NAMPT: variants seen among roughly 807,000 people sequenced by gnomAD.
NAMPT encodes nicotinamide phosphoribosyltransferase, also known as NAmPRTase.
In NAMPT, 7 loss-of-function variants were observed where a neutral mutation model predicts 58.7. The observed-to-expected ratio is 0.12, with a 90% confidence interval of 0.07 to 0.22. The LOEUF (loss-of-function observed/expected upper bound fraction) is 0.22, where lower values mean the gene tolerates loss of function less well. Among genes scored for constraint, NAMPT ranks in the 10% least tolerant of loss-of-function variants. The pLI, the probability that NAMPT is intolerant of heterozygous loss-of-function variation, is 1.00. For missense variants in NAMPT, 271 were observed against 567.9 expected, an observed-to-expected ratio of 0.48 and a Z score of 5.31; for synonymous variants, 145 against 198.1, an observed-to-expected ratio of 0.73 and a Z score of 2.25.
chr7:106,263,796 T>C (rs1792359389), intron 6 of NAMPT, among the ~76,000 whole-genome samples, 179 bp from the exon 7 acceptor site: 1 of 152,054 alleles, frequency 6.6e-6, no homozygotes, highest in African/African-American at 2.4e-5. Flanking sequence ...CAACCATACC[T>C]TACCCAATTA....
At chr7:106,260,829 A>G (rs573408648) in intron 8 of NAMPT, among the ~76,000 whole-genome samples, 1 of 152,334 alleles carries the variant, frequency 6.6e-6, no homozygotes, top group African/African-American at 2.4e-5. Context: ...CACAACACAC[A>G]CAGTATTTAT....
At chr7:106,251,433 TACA>T (rs1792102159) in intron 10 of NAMPT, among the ~76,000 whole-genome samples, 1 of 152,104 alleles carries the variant, frequency 6.6e-6, no homozygotes, top group Non-Finnish European at 1.5e-5. Context: ...ACCTTAATAC[TACA>T]TTCTTAAACC....
chr7:106,285,676 G>T (rs1792867565), upstream of NAMPT: 4 of 771,868 alleles, frequency 5.2e-6, no homozygotes, highest in Non-Finnish European at 6.3e-6. Flanking sequence ...TTCATCTGAT[G>T]CAGCGACTCC....
At position 106,284,860 on chromosome 7, in the gene NAMPT, A is replaced by G; in HGVS notation, c.25T>C (p.Phe9Leu). The change falls in exon 1 of 11, where the codon TTC becomes CTC. Residue 9 changes from phenylalanine to leucine, a missense_variant. Physicochemically the swap from Phe to Leu is conservative, Grantham distance 22. Coordinates refer to ENST00000222553, the MANE Select transcript of NAMPT (RefSeq NM_005746.3). Reference sequence around the variant, plus strand: ...GAGTCGGTGGCCAGGAGGATGTTGAACTCGGCTTCTGCCGCAGGATTCATC... The same window carrying G: ...GAGTCGGTGGCCAGGAGGATGTTGAGCTCGGCTTCTGCCGCAGGATTCATC... MNPAAEAE[F>L]NILLATDSYK... The G allele has an allele frequency of 6.3e-7, 1 of 1,579,046 alleles. No homozygotes were observed. The highest frequency in any genetic ancestry group is 8.6e-7 in the Non-Finnish European group (1 of 1,162,056).
chr7:106,260,809 G>C (rs917503801), intron 8 of NAMPT, among the ~76,000 whole-genome samples: 1 of 152,198 alleles, frequency 6.6e-6, no homozygotes, highest in African/African-American at 2.4e-5. Flanking sequence ...TGGGTAACTG[G>C]TGAAGGAGTC....
chr7:106,261,209 C>T (rs891878018), intron 8 of NAMPT, among the ~76,000 whole-genome samples: 7 of 152,194 alleles, frequency 4.6e-5, no homozygotes, highest in Non-Finnish European at 1.0e-4. Flanking sequence ...TCTGAAAAAG[C>T]ACCCATTAAT....
intron 1 of NAMPT, among the ~76,000 whole-genome samples, chr7:106,279,936 G>C (rs1792728554): frequency 6.6e-6 from 1 of 152,114 alleles, no homozygotes; most frequent in Admixed American, 6.6e-5. Flanking sequence ...CAATGTGGTA[G>C]GTACTTAAAA....
At chr7:106,283,419 C>CCCTT (rs1451556909) in intron 1 of NAMPT, among the ~76,000 whole-genome samples, 2 of 152,060 alleles carry the variant, frequency 1.3e-5, no homozygotes, top group African/African-American at 2.4e-5. Context: ...TATTCAACCT[C>CCCTT]CCTTTACATT....
chr7:106,253,543 A>G (rs901831967), intron 9 of NAMPT: 1 of 170,362 alleles, frequency 5.9e-6, no homozygotes, highest in African/African-American at 2.4e-5. Flanking sequence ...CTACGCCAAA[A>G]CCACACACAC....
At chr7:106,272,362 A>G (rs1792552566) in intron 4 of NAMPT, 168 bp downstream of exon 4, 1 of 544,942 alleles carries the variant, frequency 1.8e-6, no homozygotes, top group Non-Finnish European at 3.1e-6. Flanking sequence ...AAGAAACCTT[A>G]AAGATTATTT....
intron 1 of NAMPT, among the ~76,000 whole-genome samples, chr7:106,281,716 G>A (rs1792769479): frequency 1.3e-5 from 2 of 152,132 alleles, no homozygotes; most frequent in East Asian, 3.8e-4. Flanking sequence ...CTGCTATTTG[G>A]CTTTGAAGCA....
At chr7:106,274,033 G>A (rs1315112961) in intron 3 of NAMPT, among the ~76,000 whole-genome samples, 1 of 151,036 alleles carries the variant, frequency 6.6e-6, no homozygotes, top group African/African-American at 2.4e-5. Context: ...AAACCACCAC[G>A]GGATATTTAA....
At chr7:106,267,866 A>AAAAAAAAAAAAAAAAAAAC (rs767872084) in intron 6 of NAMPT, among the ~76,000 whole-genome samples, 10 of 133,644 alleles carry the variant, frequency 7.5e-5, no homozygotes, top group South Asian at 2.4e-4. Context: ...AAAAAAAAAA[A>AAAAAAAAAAAAAAAAAAAC]AAAAAAAAAA....
intron 10 of NAMPT, among the ~76,000 whole-genome samples, chr7:106,251,762 C>CTGT (rs1792108218): frequency 6.6e-6 from 1 of 152,074 alleles, no homozygotes; most frequent in Non-Finnish European, 1.5e-5. Flanking sequence ...GTTAAAGATT[C>CTGT]TGTTTATACT....
intron 6 of NAMPT, among the ~76,000 whole-genome samples, chr7:106,265,415 T>A (rs73720629): frequency 0.049 from 7,513 of 152,054 alleles, 259 homozygotes; most frequent in Middle Eastern, 0.12. Flanking sequence ...ATGTTTCACC[T>A]TTTTTCCCCT....
At chr7:106,270,438 C>T (rs1453314786) in intron 4 of NAMPT, 1 of 212,520 alleles carries the variant, frequency 4.7e-6, no homozygotes, top group Non-Finnish European at 1.1e-5. Flanking sequence ...TTGAACTTGC[C>T]AATCTAGTCA....
intron 2 of NAMPT, 124 bp from the exon 3 acceptor site, chr7:106,275,173 G>T: frequency 1.8e-6 from 1 of 551,074 alleles, no homozygotes. Context: ...TAACTAAGAG[G>T]TTAAATGCTC....
At chr7:106,271,628 A>G (rs1235586755) in intron 4 of NAMPT, among the ~76,000 whole-genome samples, 1 of 152,182 alleles carries the variant, frequency 6.6e-6, no homozygotes. Context: ...TTAATGGCCC[A>G]TAAAAAGTCT....
intron 3 of NAMPT, among the ~76,000 whole-genome samples, chr7:106,273,634 C>G (rs1792579080): frequency 6.6e-6 from 1 of 152,066 alleles, no homozygotes; most frequent in Non-Finnish European, 1.5e-5. Flanking sequence ...ATTTTCTGAT[C>G]ATATAATCAA....
Sources: allele counts gnomAD v4.1 joint callset (sites outside exome capture counted in the v4.1 genomes callset), GRCh38; gene constraint gnomAD v4.1.1; transcripts MANE v1.5; gene names NCBI Gene and HGNC (gene_info 2026-07-23, HGNC 2026-07-21).